Variants in BMPR1B observed in about 807,000 individuals in gnomAD.
BMPR1B encodes the protein bone morphogenetic protein receptor type 1B.
A neutral mutation model predicts 59.1 loss-of-function variants in BMPR1B; 12 were observed. That is an observed-to-expected ratio of 0.20 (90% confidence interval 0.13 to 0.33). BMPR1B has a LOEUF of 0.33. BMPR1B is among the 10% of genes least tolerant of loss of function. The probability of loss-of-function intolerance (pLI) is 1.00; values close to 1 mark genes in which losing one functional copy is unlikely to be tolerated. For missense variants in BMPR1B, 550 were observed against 610.9 expected (o/e 0.90, Z 1.05); for synonymous variants, 237 against 207.3 (o/e 1.14, Z -1.23).
At chr4:94,865,929 T>TG (rs1423636209) in intron 1 of BMPR1B, among the ~76,000 whole-genome samples, 3 of 152,196 alleles carry the variant, frequency 2.0e-5, no homozygotes, top group African/African-American at 7.2e-5. Context: ...AGTTTTCAGA[T>TG]GCATACCATA....
At chr4:94,953,080 A>G (rs1222530046) in intron 2 of BMPR1B, among the ~76,000 whole-genome samples, 1 of 147,258 alleles carries the variant, frequency 6.8e-6, no homozygotes, top group South Asian at 2.1e-4. Flanking sequence ...TAGGATTGCA[A>G]CCCCTGCTTT....
chr4:95,103,987 T>G (rs1468178921), intron 3 of BMPR1B, among the ~76,000 whole-genome samples: 1 of 151,990 alleles, frequency 6.6e-6, no homozygotes, highest in Non-Finnish European at 1.5e-5. Flanking sequence ...ACAATTTGAG[T>G]TTAAATGCTG....
chr4:94,858,428 TA>T (rs1255638724), intron 1 of BMPR1B, among the ~76,000 whole-genome samples: 6 of 152,140 alleles, frequency 3.9e-5, no homozygotes, highest in African/African-American at 7.2e-5. Flanking sequence ...TTAGAAGACA[TA>T]AAATGGAACC....
chr4:95,089,843 A>T (rs1729851397), intron 3 of BMPR1B, among the ~76,000 whole-genome samples: 1 of 152,104 alleles, frequency 6.6e-6, no homozygotes, highest in Non-Finnish European at 1.5e-5. Flanking sequence ...AAGAAAAAAG[A>T]TTTATCATAA....
intron 2 of BMPR1B, among the ~76,000 whole-genome samples, chr4:94,921,140 C>T (rs373957983): frequency 2.6e-5 from 4 of 152,090 alleles, no homozygotes; most frequent in African/African-American, 9.7e-5. Flanking sequence ...TTCTCAGCCT[C>T]ACGGAATCTG....
At chr4:95,055,872 C>A (rs968368344) in intron 3 of BMPR1B, among the ~76,000 whole-genome samples, 1 of 152,064 alleles carries the variant, frequency 6.6e-6, no homozygotes, top group African/African-American at 2.4e-5. Context: ...ATTGGAACAG[C>A]AAAATAACTC....
intron 2 of BMPR1B, among the ~76,000 whole-genome samples, chr4:94,991,602 A>G (rs993912852): frequency 6.6e-6 from 1 of 152,218 alleles, no homozygotes; most frequent in Non-Finnish European, 1.5e-5. Context: ...GAAGGATACC[A>G]AGGGTAAACT....
At chr4:94,880,957 T>G (rs553026524) in intron 2 of BMPR1B, among the ~76,000 whole-genome samples, 1 of 152,218 alleles carries the variant, frequency 6.6e-6, no homozygotes, top group African/African-American at 2.4e-5. Flanking sequence ...TAATCAACTT[T>G]TAAAGTCAGA....
chr4:95,046,319 G>C (rs1265302260), intron 3 of BMPR1B, among the ~76,000 whole-genome samples: 1 of 152,136 alleles, frequency 6.6e-6, no homozygotes, highest in Non-Finnish European at 1.5e-5. Context: ...ATTGTAGCCT[G>C]TTATATTAAA....
intron 2 of BMPR1B, among the ~76,000 whole-genome samples, chr4:94,925,569 A>G (rs1728853155): frequency 6.6e-6 from 1 of 152,160 alleles, no homozygotes; most frequent in Non-Finnish European, 1.5e-5. Context: ...TGTGAATTTC[A>G]CAGATGAGCC....
chr4:94,851,671 TTTA>T (rs139408798), intron 1 of BMPR1B, among the ~76,000 whole-genome samples: 41,015 of 151,770 alleles, frequency 0.27, 6,012 homozygotes, highest in East Asian at 0.39. Flanking sequence ...TCTTATAATA[TTTA>T]TTATTTTCTG....
intron 1 of BMPR1B, among the ~76,000 whole-genome samples, chr4:94,814,018 G>GCCAAA (rs1723918646): frequency 1.3e-5 from 2 of 152,158 alleles, no homozygotes; most frequent in African/African-American, 2.4e-5. Context: ...GTAGGCAGCT[G>GCCAAA]TATATACAAG....
At chr4:94,940,436 G>T (rs1729466697) in intron 2 of BMPR1B, among the ~76,000 whole-genome samples, 1 of 152,158 alleles carries the variant, frequency 6.6e-6, no homozygotes, top group Non-Finnish European at 1.5e-5. Flanking sequence ...CCTGGCTTAT[G>T]GGATTCTCAG....
chr4:94,977,374 G>T (rs1023802), intron 2 of BMPR1B, among the ~76,000 whole-genome samples: 5 of 152,276 alleles, frequency 3.3e-5, no homozygotes, highest in African/African-American at 4.8e-5. Context: ...GACTATACCT[G>T]GTATTTTATT....
intron 6 of BMPR1B, among the ~76,000 whole-genome samples, chr4:95,117,141 A>C (rs1294763055): frequency 2.0e-5 from 3 of 152,168 alleles, no homozygotes; most frequent in Non-Finnish European, 2.9e-5. Context: ...TTAAGGATGA[A>C]GAGGAGTGTG....
At chr4:95,068,526 G>T (rs1728026826) in intron 3 of BMPR1B, among the ~76,000 whole-genome samples, 1 of 152,144 alleles carries the variant, frequency 6.6e-6, no homozygotes, top group South Asian at 2.1e-4. Flanking sequence ...CTTTGATGCA[G>T]CACATGGGAT....
intron 2 of BMPR1B, among the ~76,000 whole-genome samples, chr4:94,923,316 C>T (rs1483915107): frequency 1.3e-5 from 2 of 152,028 alleles, no homozygotes; most frequent in South Asian, 4.2e-4. Context: ...TAGTACCTAT[C>T]CCACAGTCAC....
At chr4:94,823,742 CTTTTGG>C (rs1724286074) in intron 1 of BMPR1B, among the ~76,000 whole-genome samples, 1 of 84,266 alleles carries the variant, frequency 1.2e-5, no homozygotes, top group African/African-American at 4.7e-5. Context: ...TTTTAGTATC[CTTTTGG>C]TTTTTTTTTT....
At chr4:95,090,407 C>A (rs1226094274) in intron 3 of BMPR1B, among the ~76,000 whole-genome samples, 1 of 151,722 alleles carries the variant, frequency 6.6e-6, no homozygotes, top group East Asian at 1.9e-4. Flanking sequence ...GCAAAGGTAT[C>A]TGTTTTTTGG....
Sources: gnomAD v4.1 joint callset for allele counts (sites outside exome capture counted in the v4.1 genomes callset) on GRCh38, gnomAD v4.1.1 for gene constraint, MANE v1.5 for transcripts, NCBI Gene and HGNC (gene_info 2026-07-23, HGNC 2026-07-21) for gene names.